Variants in RRP15 observed in about 807,000 individuals in gnomAD.
RRP15 encodes the protein RRP15-like protein.
In RRP15, 18 loss-of-function variants were observed where a neutral mutation model predicts 27.1. The ratio of observed to expected loss-of-function variants is 0.66; its 90% CI spans 0.46 to 0.98. The LOEUF is 0.98. Ranked by LOEUF, RRP15 falls within the 50% of genes least tolerant of loss-of-function variation. The pLI is 0.00. For synonymous variants in RRP15, 107 were observed against 109.4 expected (o/e 0.98, Z 0.14); for missense variants, 359 against 337.8 (o/e 1.06, Z -0.49).
rs1407559821 is a variant in RRP15 at position 218,332,153 on chromosome 1, C to G, written c.*1062C>G. ...AAGCAAGTTTGACATGCTTTAGTCTCTCTCTTCTTTTTTTTCCTCCCAAAT... is the reference window on the plus strand; with the variant it reads ...AAGCAAGTTTGACATGCTTTAGTCTGTCTCTTCTTTTTTTTCCTCCCAAAT... On this transcript the variant is annotated 3_prime_UTR_variant, in exon 5 of 5. Transcript: ENST00000366932. The G allele has an allele frequency of 2.6e-5, 4 of 152,110 alleles. No homozygotes were observed. The highest frequency in any genetic ancestry group is 5.9e-5 in the Non-Finnish European group (4 of 68,022). 9.4% of individuals were successfully genotyped at this position (152,110 alleles called of 1,614,324 possible).
chr1:218,330,503 C>T (rs1018338576), intron 4 of RRP15, among the ~76,000 whole-genome samples: 3 of 152,274 alleles, frequency 2.0e-5, no homozygotes, highest in East Asian at 3.9e-4. Flanking sequence ...CTTTTTCCCA[C>T]TTTTAATTTA....
intron 4 of RRP15, among the ~76,000 whole-genome samples, chr1:218,308,050 G>GTTTC (rs1215396204): frequency 1.3e-4 from 15 of 112,396 alleles, no homozygotes; most frequent in South Asian, 3.4e-4. Context: ...TGCCTCAGTA[G>GTTTC]TTTCTTTCTT....
chr1:218,312,026 C>T (rs1445399302), intron 4 of RRP15, among the ~76,000 whole-genome samples: 1 of 152,114 alleles, frequency 6.6e-6, no homozygotes. Context: ...TCAAAGAATG[C>T]CAAGAAACAC....
intron 1 of RRP15, among the ~76,000 whole-genome samples, chr1:218,289,119 T>C (rs1655594514): frequency 6.6e-6 from 1 of 152,228 alleles, no homozygotes; most frequent in African/African-American, 2.4e-5. Context: ...CACTCATAAA[T>C]ATTAGTGATG....
At chr1:218,296,239 A>G (rs770933368) in intron 1 of RRP15, among the ~76,000 whole-genome samples, 2 of 152,164 alleles carry the variant, frequency 1.3e-5, no homozygotes, top group African/African-American at 2.4e-5. Context: ...AAAACTTTGT[A>G]GTGTCTCACA....
rs961815567 is a variant in RRP15 at position 218,333,651 on chromosome 1, C to G, written c.*2560C>G. On this transcript the variant is annotated 3_prime_UTR_variant, in exon 5 of 5. Transcript: ENST00000366932. ...AGCTAGGACTACAGGTGTGCACCACCATGCCCAGCTAATTTTTTGTCTTTT... is the reference window on the plus strand; with the variant it reads ...AGCTAGGACTACAGGTGTGCACCACGATGCCCAGCTAATTTTTTGTCTTTT... 6.6e-6 allele frequency: 1 copy of G among 152,324 alleles called. No individual in the cohort carries two copies. The highest frequency in any genetic ancestry group is 6.5e-5 in the Admixed American group (1 of 15,282). The allele number at this position is 152,324 out of a possible 1,614,324, so 9.4% of individuals were successfully genotyped here. A position where few individuals can be genotyped will look rare whatever the true frequency, so the allele number is the denominator to read the frequency against.
chr1:218,286,447 G>A (rs906792054), intron 1 of RRP15, among the ~76,000 whole-genome samples: 6 of 152,108 alleles, frequency 3.9e-5, no homozygotes, highest in African/African-American at 2.4e-5. Flanking sequence ...TCCCTCACCA[G>A]CCTCTGATCC....
chr1:218,324,739 G>C (rs1178554655), intron 4 of RRP15, among the ~76,000 whole-genome samples: 1 of 152,224 alleles, frequency 6.6e-6, no homozygotes, highest in Non-Finnish European at 1.5e-5. Flanking sequence ...ATAGTTGTCA[G>C]TATTCAGCAT....
In RRP15 at chr1:218,315,595, A is replaced by AT. The variant is rs1490499127; in HGVS notation, c.705+7970dup. Among the ~76,000 whole-genome samples, 22 of 149,084 alleles carry AT rather than the reference A, an allele frequency of 1.5e-4. No individual in the cohort carries two copies. In the East Asian group the frequency reaches 3.9e-3, roughly 27 times the overall value. On this transcript the variant is annotated intron_variant, in intron 4 of 4. Coordinates refer to ENST00000366932, the MANE Select transcript of RRP15 (RefSeq NM_016052.4). The stretch of plus-strand genomic sequence containing the variant: ...GGCGCATGCCACCGCACCTGGCTTT[A>AT]TTTTTTTATTATTTTATTTTTTTTT...
intron 4 of RRP15, among the ~76,000 whole-genome samples, chr1:218,310,262 T>C (rs1655971377): frequency 6.6e-6 from 1 of 152,208 alleles, no homozygotes; most frequent in Non-Finnish European, 1.5e-5. Flanking sequence ...GCTGTAATGA[T>C]ATTCAGAGCA....
At chr1:218,295,333 G>C (rs1427869246) in intron 1 of RRP15, among the ~76,000 whole-genome samples, 1 of 152,142 alleles carries the variant, frequency 6.6e-6, no homozygotes, top group East Asian at 1.9e-4. Context: ...TCTGTTGTCT[G>C]TAAATCAACC....
chr1:218,305,177 G>T, intron 3 of RRP15, 52 bp downstream of exon 3: 4 of 1,389,630 alleles, frequency 2.9e-6, no homozygotes, highest in Non-Finnish European at 4.1e-6. Context: ...AGCTATCATA[G>T]TGGTTCTATT....
intron 1 of RRP15, 179 bp from the exon 2 acceptor site, chr1:218,302,115 G>A (rs1655818989): frequency 1.9e-6 from 1 of 535,296 alleles, no homozygotes; most frequent in Non-Finnish European, 3.3e-6. Context: ...TCTGGGAGCT[G>A]ATGGCAATGG....
chr1:218,306,622 C>T (rs538977454), intron 3 of RRP15, among the ~76,000 whole-genome samples: 93 of 151,962 alleles, frequency 6.1e-4, no homozygotes, highest in Non-Finnish European at 1.1e-3. Flanking sequence ...ATTTTAGAGC[C>T]GGAAGGGATC....
At chr1:218,290,549 C>T (rs1402013462) in intron 1 of RRP15, among the ~76,000 whole-genome samples, 1 of 152,172 alleles carries the variant, frequency 6.6e-6, no homozygotes, top group Non-Finnish European at 1.5e-5. Flanking sequence ...CTCACTGCAA[C>T]CTCTGCCTGT....
rs369991504 is a variant in RRP15, at chr1:218,285,328, C to T, written c.12C>T (p.Ala4=). MAA[A]APDSRVSEEE... ...TCCGGCGCAGAAAAATGGCAGCCGC[C>T]GCTCCGGACTCACGTGTGAGTGAGG... Residue 4 remains alanine, a synonymous_variant, in exon 1 of 5, where the codon GCC becomes GCT. Transcript: ENST00000366932. 5.0e-6 allele frequency: 8 copies of T among 1,613,254 alleles called. No individual in the cohort carries two copies. The highest frequency in any genetic ancestry group is 3.3e-5 in the South Asian group (3 of 91,046).
chr1:218,302,641 T>C, intron 2 of RRP15, 82 bp downstream of exon 2: 1 of 1,524,944 alleles, frequency 6.6e-7, no homozygotes, highest in East Asian at 2.3e-5. Context: ...CTTGCAGTGT[T>C]TGACCAATTA....
intron 1 of RRP15, chr1:218,301,894 G>T: frequency 6.2e-6 from 1 of 160,958 alleles, no homozygotes; most frequent in African/African-American, 2.4e-5. Flanking sequence ...TCTGTTATTT[G>T]TTTTAATAAC....
intron 4 of RRP15, among the ~76,000 whole-genome samples, chr1:218,325,705 C>T (rs938385871): frequency 1.3e-5 from 2 of 152,028 alleles, no homozygotes; most frequent in African/African-American, 4.8e-5. Flanking sequence ...CCTGGACACT[C>T]GAGGGCTGGT....
Sources: allele counts gnomAD v4.1 joint callset (sites outside exome capture counted in the v4.1 genomes callset), GRCh38; gene constraint gnomAD v4.1.1; transcripts MANE v1.5; gene names NCBI Gene and HGNC (gene_info 2026-07-23, HGNC 2026-07-21).